Variants in CDH13 observed in about 807,000 individuals in gnomAD.
The protein encoded by CDH13 is cadherin 13.
CDH13 carries 24 observed loss-of-function variants against 63.8 expected under a neutral mutation model. That is an observed-to-expected ratio of 0.38 (90% confidence interval 0.27 to 0.53). The LOEUF (loss-of-function observed/expected upper bound fraction) is 0.53. Among genes scored for constraint, CDH13 ranks in the 20% least tolerant of loss-of-function variants. The pLI, the probability that CDH13 is intolerant of heterozygous loss-of-function variation, is 0.85. For missense variants in CDH13, 1,049 were observed against 903.1 expected (o/e 1.16, Z -2.07); for synonymous variants, 503 against 355.3 (o/e 1.42, Z -4.67).
intron 3 of CDH13, among the ~76,000 whole-genome samples, chr16:83,116,904 C>T (rs1362625076): frequency 6.6e-6 from 1 of 152,226 alleles, no homozygotes; most frequent in African/African-American, 2.4e-5. Flanking sequence ...TGAGTGTTCA[C>T]TGCAGGACAA....
chr16:82,778,571 A>G (rs889939106), intron 1 of CDH13, among the ~76,000 whole-genome samples: 2 of 19,520 alleles, frequency 1.0e-4, no homozygotes, highest in African/African-American at 3.5e-4. Flanking sequence ...TCACGACCAG[A>G]AAAAAAAAAA....
chr16:82,936,819 A>G (rs2042682730), intron 2 of CDH13, among the ~76,000 whole-genome samples: 1 of 137,860 alleles, frequency 7.3e-6, no homozygotes. Flanking sequence ...TAGGGAAAGA[A>G]CAGGTGGGGA....
intron 7 of CDH13, among the ~76,000 whole-genome samples, chr16:83,522,871 C>G (rs552418759): frequency 3.9e-4 from 60 of 152,308 alleles, no homozygotes; most frequent in Non-Finnish European, 6.0e-4. Context: ...TTTCCAGACA[C>G]TTTATGACTC....
rs1301131873 is a variant in CDH13 at position 82,950,611 on chromosome 16, T to C, written c.158-81399T>C. 3.9e-5 allele frequency among the ~76,000 whole-genome samples: 6 copies of C among 152,238 alleles called. No homozygotes were observed. In the East Asian group the frequency reaches 1.2e-3, roughly 29 times the overall value. ...CCTTTCACCATGATTGTGAGGCCTC[T>C]CCAGCCACGTGTAACTGTGAGTCCA... On this transcript the variant is annotated intron_variant, in intron 2 of 13. Coordinates refer to ENST00000567109, the MANE Select transcript of CDH13 (RefSeq NM_001257.5).
At chr16:82,818,124 G>GTGTT (rs2037815130) in intron 1 of CDH13, among the ~76,000 whole-genome samples, 1 of 151,476 alleles carries the variant, frequency 6.6e-6, no homozygotes, top group Non-Finnish European at 1.5e-5. Flanking sequence ...TTGTGTGTGT[G>GTGTT]TGTGTGTGTG....
chr16:82,746,156 C>T (rs922639080), intron 1 of CDH13, among the ~76,000 whole-genome samples: 5 of 141,266 alleles, frequency 3.5e-5, no homozygotes, highest in Non-Finnish European at 6.4e-5. Flanking sequence ...ATACTATATA[C>T]TATATACATA....
chr16:83,000,324 C>T lies in CDH13; in HGVS notation c.158-31686C>T, dbSNP rs12934141. Among the ~76,000 whole-genome samples the T allele has an allele frequency of 2.8e-4, 38 of 137,098 alleles. No homozygotes were observed. In the East Asian group the frequency reaches 8.9e-3, roughly 32 times the overall value. 89.9% of individuals were successfully genotyped at this position (137,098 alleles called of 152,430 possible). On this transcript the variant is annotated intron_variant, in intron 2 of 13. Transcript: ENST00000567109. ...AGTGCAAAGCTGCGATCTCGGCTCG[C>T]TGCAACCTCCACCTCCCAGGTTCAA...
In CDH13 at chr16:82,750,376, C is replaced by T. The variant is rs531241334; in HGVS notation, c.46-107986C>T. On this transcript the variant is annotated intron_variant, in intron 1 of 13. Transcript: ENST00000567109. ...GAGCACTAAGCCCAAGTGTGTGCCT[C>T]TACCAGCCTCAATCTTTATCTTGTG... Among the ~76,000 whole-genome samples the T allele has an allele frequency of 3.9e-5, 6 of 152,300 alleles. No individual in the cohort carries two copies. The East Asian group carries it at 1.2e-3, about 29-fold the overall frequency.
At chr16:83,050,762 C>G (rs116336439) in intron 3 of CDH13, among the ~76,000 whole-genome samples, 3 of 152,236 alleles carry the variant, frequency 2.0e-5, no homozygotes, top group Admixed American at 1.3e-4. Context: ...AACGCTCATA[C>G]TGGGGTTAAC....
intron 1 of CDH13, among the ~76,000 whole-genome samples, chr16:82,792,089 C>T (rs1227925638): frequency 6.6e-6 from 1 of 152,164 alleles, no homozygotes; most frequent in Admixed American, 6.5e-5. Context: ...CTGTGACTGG[C>T]TTCTAGCCCA....
rs891355257 is a variant in CDH13 at position 82,912,714 on chromosome 16, T to C, written c.157+54241T>C. ...ATCCCAGCACTTTGGGAGGCCGAGG[T>C]GGGCGGATCACGAGGTCAGGAGATC... On this transcript the variant is annotated intron_variant, in intron 2 of 13. Transcript: ENST00000567109. Among the ~76,000 whole-genome samples, 21 of 152,196 alleles carry C rather than the reference T, an allele frequency of 1.4e-4. No individual in the cohort carries two copies. In the East Asian group the frequency reaches 4.1e-3, roughly 29 times the overall value.
rs546272917 is a variant in CDH13, at chr16:83,593,910, T to C, written c.961-8544T>C. 2.0e-5 allele frequency among the ~76,000 whole-genome samples: 3 copies of C among 152,308 alleles called. 1 individual carries two copies. In the South Asian group the frequency reaches 6.2e-4, roughly 32 times the overall value. ...TAGGTGCTGGGGAAAACGGTACTCA[T>C]TATCTATTGCTGCATGAAAAATTGT... On this transcript the variant is annotated intron_variant, in intron 7 of 13. Coordinates refer to ENST00000567109, the MANE Select transcript of CDH13 (RefSeq NM_001257.5).
At chr16:82,988,055 G>T (rs144455016) in intron 2 of CDH13, among the ~76,000 whole-genome samples, 60 of 152,272 alleles carry the variant, frequency 3.9e-4, no homozygotes, top group South Asian at 1.5e-3. Context: ...ATTGAAGCAC[G>T]GCTATGTTTT....
intron 10 of CDH13, among the ~76,000 whole-genome samples, chr16:83,723,018 T>C (rs534154131): frequency 6.6e-6 from 1 of 152,264 alleles, no homozygotes; most frequent in South Asian, 2.1e-4. Context: ...TAGAGCTGGG[T>C]GACATGCTTA....
At chr16:82,988,988 C>G (rs1030721941) in intron 2 of CDH13, among the ~76,000 whole-genome samples, 1 of 152,016 alleles carries the variant, frequency 6.6e-6, no homozygotes, top group Non-Finnish European at 1.5e-5. Flanking sequence ...TAAGTGAGCC[C>G]TCTGGATATT....
chr16:83,717,026 T>A (rs1909016659), intron 10 of CDH13: 1 of 150,566 alleles, frequency 6.6e-6, no homozygotes, highest in Non-Finnish European at 1.5e-5. Context: ...GCAGGTGGAT[T>A]AGTTGAGGTC....
At chr16:82,776,384 C>G (rs771941193) in intron 1 of CDH13, among the ~76,000 whole-genome samples, 1 of 152,114 alleles carries the variant, frequency 6.6e-6, no homozygotes, top group Non-Finnish European at 1.5e-5. Flanking sequence ...GCAAAAAAAC[C>G]CAGTGCAGAG....
chr16:83,084,824 G>T (rs769159178), intron 3 of CDH13, among the ~76,000 whole-genome samples: 4 of 152,206 alleles, frequency 2.6e-5, no homozygotes, highest in Admixed American at 1.3e-4. Context: ...GGAGGCAGAG[G>T]TTGCAGTGAG....
In CDH13 at chr16:82,913,266, G is replaced by A. The variant is rs931450956; in HGVS notation, c.157+54793G>A. Among the ~76,000 whole-genome samples the A allele has an allele frequency of 7.2e-5, 11 of 152,270 alleles. No individual in the cohort carries two copies. In the South Asian group the frequency reaches 1.9e-3, roughly 26 times the overall value. On this transcript the variant is annotated intron_variant, in intron 2 of 13. Coordinates refer to ENST00000567109, the MANE Select transcript of CDH13 (RefSeq NM_001257.5). ...CAGGTAGCAGGTCTGAAGTGAGAGAGGGAAACGTTCGATGCTGCGTTGTTC... is the reference window on the plus strand; with the variant it reads ...CAGGTAGCAGGTCTGAAGTGAGAGAAGGAAACGTTCGATGCTGCGTTGTTC...
Sources: allele counts gnomAD v4.1 joint callset (sites outside exome capture counted in the v4.1 genomes callset), GRCh38; gene constraint gnomAD v4.1.1; transcripts MANE v1.5; gene names NCBI Gene and HGNC (gene_info 2026-07-23, HGNC 2026-07-21).